LGR5: variants seen among roughly 807,000 people sequenced by gnomAD.
The protein encoded by LGR5 is leucine rich repeat containing G protein-coupled receptor 5.
Under a neutral mutation model 76.7 loss-of-function variants are expected in LGR5, and 54 were observed. The ratio of observed to expected loss-of-function variants is 0.70; its 90% CI spans 0.57 to 0.88. The LOEUF is 0.88. Ranked by LOEUF, LGR5 falls within the 40% of genes least tolerant of loss-of-function variation. The pLI, the probability that LGR5 is intolerant of heterozygous loss-of-function variation, is 0.00. For synonymous variants in LGR5, 406 were observed against 421.9 expected (o/e 0.96, Z 0.46); for missense variants, 1,078 against 1,073.3 (o/e 1.00, Z -0.06).
At chr12:71,566,345 A>C (rs1406523932) in intron 8 of LGR5, 59 bp from the exon 9 acceptor site, 16 of 1,075,202 alleles carry the variant, frequency 1.5e-5, no homozygotes, top group Admixed American at 1.3e-4. Context: ...AATTTTGAAC[A>C]GATATTCATC....
Position 71,453,740 on chromosome 12 carries a change from C to A in LGR5, c.212+13448C>A, listed in dbSNP as rs974371443. On this transcript the variant is annotated intron_variant, in intron 1 of 17. Coordinates refer to ENST00000266674, the MANE Select transcript of LGR5 (RefSeq NM_003667.4). ...TTTTATATTAACTGAAAAAATAGTT[C>A]TACTTTAAGAACAAAAACTGATTTA... is the stretch of plus-strand genomic sequence containing the variant. Among the ~76,000 whole-genome samples the A allele has an allele frequency of 3.3e-5, 5 of 150,918 alleles. 1 individual carries two copies. Among genetic ancestry groups the A allele is most frequent in the Non-Finnish European group, 7.4e-5 (5 of 67,812 alleles).
intron 1 of LGR5, among the ~76,000 whole-genome samples, chr12:71,454,569 T>C (rs970542004): frequency 1.5e-4 from 23 of 152,086 alleles, no homozygotes; most frequent in African/African-American, 5.6e-4. Context: ...GATGAGACTG[T>C]GGCAAATTAG....
At chr12:71,576,254 A>AT (rs1335369075) in intron 13 of LGR5, among the ~76,000 whole-genome samples, 1 of 152,174 alleles carries the variant, frequency 6.6e-6, no homozygotes, top group African/African-American at 2.4e-5. Flanking sequence ...ATTAAATTAA[A>AT]TTTTTTTAAA....
At chr12:71,531,238 A>T (rs1436900244) in intron 3 of LGR5, among the ~76,000 whole-genome samples, 1 of 152,210 alleles carries the variant, frequency 6.6e-6, no homozygotes, top group Admixed American at 6.5e-5. Context: ...TGTACTCAGT[A>T]AGGAGTATTT....
intron 1 of LGR5, among the ~76,000 whole-genome samples, chr12:71,454,952 A>G (rs1872405190): frequency 6.6e-6 from 1 of 152,164 alleles, no homozygotes; most frequent in Non-Finnish European, 1.5e-5. Flanking sequence ...GATTATCACT[A>G]CGGTGCAGGG....
At chr12:71,522,616 T>C (rs1320749325) in intron 2 of LGR5, among the ~76,000 whole-genome samples, 2 of 151,188 alleles carry the variant, frequency 1.3e-5, no homozygotes, top group Non-Finnish European at 3.0e-5. Context: ...GTCTACTCTA[T>C]TTTTTTTTCT....
intron 8 of LGR5, 128 bp from the exon 9 acceptor site, chr12:71,566,276 G>A (rs1487066390): frequency 2.6e-5 from 17 of 648,130 alleles, no homozygotes; most frequent in Non-Finnish European, 4.5e-5. Flanking sequence ...AAGGAATTGG[G>A]AATGTTATGT....
intron 2 of LGR5, among the ~76,000 whole-genome samples, chr12:71,513,048 C>T (rs553619250): frequency 4.6e-5 from 7 of 152,164 alleles, no homozygotes; most frequent in Non-Finnish European, 7.3e-5. Context: ...ATTTCCAAGT[C>T]CTTCTCCCAG....
chr12:71,455,871 T>TTTA (rs1872451255), intron 1 of LGR5, among the ~76,000 whole-genome samples: 1 of 152,180 alleles, frequency 6.6e-6, no homozygotes, highest in African/African-American at 2.4e-5. Flanking sequence ...AGATATGGTT[T>TTTA]TTATGCTTAT....
At chr12:71,511,860 T>C (rs933727887) in intron 2 of LGR5, among the ~76,000 whole-genome samples, 1 of 152,126 alleles carries the variant, frequency 6.6e-6, no homozygotes, top group Non-Finnish European at 1.5e-5. Flanking sequence ...ACCTCCTATA[T>C]TCAGCCAGTT....
At chr12:71,471,860 C>T (rs1354957483) in intron 1 of LGR5, among the ~76,000 whole-genome samples, 1 of 151,888 alleles carries the variant, frequency 6.6e-6, no homozygotes, top group Non-Finnish European at 1.5e-5. Flanking sequence ...TAAATATTAG[C>T]TATCATTATT....
intron 6 of LGR5, among the ~76,000 whole-genome samples, chr12:71,558,193 A>G (rs1286696428): frequency 6.6e-6 from 1 of 152,220 alleles, no homozygotes; most frequent in Admixed American, 6.5e-5. Context: ...CTTATCTACA[A>G]AACGCTGGGC....
At chr12:71,567,212 A>G (rs1878394247) in intron 11 of LGR5, 1 of 364,022 alleles carries the variant, frequency 2.7e-6, no homozygotes, top group East Asian at 5.9e-5. Context: ...TTCCCCCTCT[A>G]AAGGCTTTGC....
At chr12:71,568,425 A>G (rs1206275930) in intron 11 of LGR5, among the ~76,000 whole-genome samples, 1 of 152,222 alleles carries the variant, frequency 6.6e-6, no homozygotes, top group African/African-American at 2.4e-5. Context: ...TCAAACAGTT[A>G]CAGCAGCACC....
At chr12:71,472,996 C>T (rs532059514) in intron 1 of LGR5, among the ~76,000 whole-genome samples, 2 of 152,228 alleles carry the variant, frequency 1.3e-5, no homozygotes, top group African/African-American at 4.8e-5. Context: ...GTTAAATTCT[C>T]TCTCCCCAAG....
At chr12:71,575,760 A>G (rs1878824686) in intron 13 of LGR5, among the ~76,000 whole-genome samples, 2 of 136,456 alleles carry the variant, frequency 1.5e-5, no homozygotes, top group Admixed American at 7.0e-5. Flanking sequence ...GTGTGTGTGT[A>G]TCATTCTATT....
At chr12:71,537,815 G>C (rs1876678714) in intron 4 of LGR5, among the ~76,000 whole-genome samples, 1 of 152,242 alleles carries the variant, frequency 6.6e-6, no homozygotes, top group South Asian at 2.1e-4. Flanking sequence ...GTAATGATGA[G>C]AGTAGGACTC....
chr12:71,559,475 A>G, intron 6 of LGR5, 111 bp from the exon 7 acceptor site: 3 of 605,808 alleles, frequency 5.0e-6, no homozygotes, highest in Non-Finnish European at 5.9e-6. Flanking sequence ...AGCAGTGAGA[A>G]CTTCCATTAG....
At position 71,582,567 on chromosome 12, in the gene LGR5, C is replaced by A. The variant is rs562986700; in HGVS notation, c.1636+28C>A. On this transcript the variant is annotated intron_variant, in intron 17 of 17. Coordinates refer to ENST00000266674, the MANE Select transcript of LGR5 (RefSeq NM_003667.4). ...GAGAAAGGCATCAAAAATTCCTCAA[C>A]GGCAGTATCCACCACTGATTCTGAG... is the stretch of plus-strand genomic sequence containing the variant. The A allele has an allele frequency of 4.3e-5, 64 of 1,497,198 alleles. No individual in the cohort carries two copies. In the South Asian group the frequency reaches 6.6e-4, roughly 16 times the overall value. The allele number at this position is 1,497,198 out of a possible 1,614,324, so 92.7% of individuals were successfully genotyped here.
Sources: allele counts gnomAD v4.1 joint callset (sites outside exome capture counted in the v4.1 genomes callset), GRCh38; gene constraint gnomAD v4.1.1; transcripts MANE v1.5; gene names NCBI Gene and HGNC (gene_info 2026-07-23, HGNC 2026-07-21).